ZBTB20: variants seen among roughly 807,000 people sequenced by gnomAD.
ZBTB20 encodes the protein zinc finger and BTB domain containing 20, also known as zinc finger and BTB domain-containing protein 20.
A neutral mutation model predicts 56.9 loss-of-function variants in ZBTB20; 9 were observed. The observed-to-expected ratio is 0.16, with a 90% CI of 0.10 to 0.28. The LOEUF (loss-of-function observed/expected upper bound fraction) is 0.28. Among genes scored for constraint, ZBTB20 ranks in the 10% least tolerant of loss-of-function variants. The pLI is 1.00. For synonymous variants in ZBTB20, 417 were observed against 420.7 expected (o/e 0.99, Z 0.11); for missense variants, 655 against 1,003.0 (o/e 0.65, Z 4.69).
intron 2 of ZBTB20, among the ~76,000 whole-genome samples, chr3:114,982,614 A>G (rs2078374609): frequency 6.6e-6 from 1 of 152,054 alleles, no homozygotes; most frequent in Non-Finnish European, 1.5e-5. Context: ...TTACTCCCTA[A>G]AATAAATGCA....
chr3:114,332,082 T>C lies in ZBTB20; in HGVS notation c.*6923A>G, dbSNP rs914177141. 19 of 148,908 alleles carry C rather than the reference T, an allele frequency of 1.3e-4. No homozygotes were observed. Among genetic ancestry groups the C allele is most frequent in the African/African-American group, 4.0e-4 (16 of 40,384 alleles). The allele number at this position is 148,908 out of a possible 1,614,324, so 9.2% of individuals were successfully genotyped here. A position where few individuals can be genotyped will look rare whatever the true frequency, so the allele number is the denominator to read the frequency against. Reference sequence around the variant, plus strand: ...GGTTTTTTTTTTTTTTTTTTTTTTTTTCTCTCTTGGATGTATCAAAATCTC... The same window carrying C: ...GGTTTTTTTTTTTTTTTTTTTTTTTCTCTCTCTTGGATGTATCAAAATCTC... On this transcript the variant is annotated 3_prime_UTR_variant, in exon 12 of 12. Coordinates refer to ENST00000675478, the MANE Select transcript of ZBTB20 (RefSeq NM_001348800.3).
At chr3:115,147,028 G>T (rs2085017591) in intron 1 of ZBTB20, among the ~76,000 whole-genome samples, 191 bp downstream of exon 1, 3 of 149,452 alleles carry the variant, frequency 2.0e-5, no homozygotes, top group Admixed American at 2.0e-4. Flanking sequence ...GGGCGCGCGC[G>T]CTCATCCAGC....
At chr3:115,053,621 T>C (rs2081636968) in intron 2 of ZBTB20, among the ~76,000 whole-genome samples, 1 of 152,090 alleles carries the variant, frequency 6.6e-6, no homozygotes, top group African/African-American at 2.4e-5. Flanking sequence ...GTATATTAAC[T>C]CACATTTATT....
intron 4 of ZBTB20, among the ~76,000 whole-genome samples, chr3:114,847,686 CT>C (rs2074784311): frequency 6.6e-6 from 1 of 152,104 alleles, no homozygotes; most frequent in Non-Finnish European, 1.5e-5. Context: ...CTCACCTGAA[CT>C]GCTCTTTCAT....
chr3:114,865,307 T>A (rs1388195267), intron 4 of ZBTB20, among the ~76,000 whole-genome samples: 1 of 152,138 alleles, frequency 6.6e-6, no homozygotes, highest in Non-Finnish European at 1.5e-5. Context: ...AGGAAACATT[T>A]CTCCAGGGCT....
chr3:114,434,048 A>C (rs1470557194), intron 7 of ZBTB20, among the ~76,000 whole-genome samples: 1 of 152,198 alleles, frequency 6.6e-6, no homozygotes, highest in African/African-American at 2.4e-5. Flanking sequence ...ATTGAATGAT[A>C]GACCAGGTCA....
intron 5 of ZBTB20, among the ~76,000 whole-genome samples, chr3:114,788,769 G>T (rs2070736112): frequency 6.6e-6 from 1 of 152,116 alleles, no homozygotes; most frequent in African/African-American, 2.4e-5. Context: ...ACCCAAGACT[G>T]GGTAATTATT....
chr3:114,404,464 G>GAA (rs1366942036), intron 7 of ZBTB20, among the ~76,000 whole-genome samples: 6 of 152,064 alleles, frequency 3.9e-5, no homozygotes, highest in African/African-American at 1.4e-4. Flanking sequence ...AGCAGTATAA[G>GAA]AAAACATCCT....
At chr3:115,022,916 C>A (rs555885396) in intron 2 of ZBTB20, among the ~76,000 whole-genome samples, 12 of 150,950 alleles carry the variant, frequency 7.9e-5, no homozygotes, top group Admixed American at 3.3e-4. Flanking sequence ...CCATTCAGTG[C>A]AGTATTTATT....
intron 6 of ZBTB20, among the ~76,000 whole-genome samples, chr3:114,634,046 T>G (rs1185338653): frequency 6.6e-6 from 1 of 152,146 alleles, no homozygotes; most frequent in Non-Finnish European, 1.5e-5. Flanking sequence ...ATGTAAGTAT[T>G]CCATTCGTTA....
At position 114,729,785 on chromosome 3, in the gene ZBTB20, A is replaced by ATATGTAGG. The variant is rs551860762; in HGVS notation, c.-342-36218_-342-36211dup. Among the ~76,000 whole-genome samples, 4 of 152,002 alleles carry ATATGTAGG rather than the reference A, an allele frequency of 2.6e-5. No homozygotes were observed. The East Asian group carries it at 7.7e-4, about 29-fold the overall frequency. Reference sequence around the variant, plus strand: ...ATTGCAGAATTTCAGAGTTGATGCTATATGTAGGATTTTCTTTTCTTTTAA... The same window carrying ATATGTAGG: ...ATTGCAGAATTTCAGAGTTGATGCTATATGTAGGTATGTAGGATTTTCTTTTCTTTTAA... On this transcript the variant is annotated intron_variant, in intron 5 of 11. Transcript: ENST00000675478.
chr3:114,742,588 A>T (rs2066688540), intron 5 of ZBTB20, among the ~76,000 whole-genome samples: 1 of 152,170 alleles, frequency 6.6e-6, no homozygotes. Flanking sequence ...CATTTTACAT[A>T]CGAGAAAACT....
chr3:114,379,105 T>C (rs1176047353), intron 10 of ZBTB20: 1 of 152,240 alleles, frequency 6.6e-6, no homozygotes, highest in East Asian at 1.9e-4. Flanking sequence ...TCCTGGACCA[T>C]TGTCTCTTGC....
intron 6 of ZBTB20, among the ~76,000 whole-genome samples, chr3:114,611,905 T>C (rs111412650): frequency 2.5e-4 from 38 of 152,336 alleles, no homozygotes; most frequent in African/African-American, 8.7e-4. Flanking sequence ...CCTTATTGCA[T>C]TCTAACTGTC....
intron 2 of ZBTB20, 75 bp from the exon 3 acceptor site, chr3:114,974,491 C>A (rs2078018157): frequency 6.6e-6 from 1 of 151,988 alleles, no homozygotes; most frequent in African/African-American, 2.4e-5. Context: ...TCTTTATGAC[C>A]CAGGTAGCTG....
chr3:114,837,310 A>G (rs925589107), intron 4 of ZBTB20, among the ~76,000 whole-genome samples: 5 of 152,220 alleles, frequency 3.3e-5, no homozygotes, highest in African/African-American at 1.2e-4. Context: ...ATTACAGTAT[A>G]AATTCCATGA....
At chr3:114,604,024 G>C (rs1256260545) in intron 6 of ZBTB20, among the ~76,000 whole-genome samples, 1 of 151,900 alleles carries the variant, frequency 6.6e-6, no homozygotes, top group Non-Finnish European at 1.5e-5. Flanking sequence ...ATAACCCTTT[G>C]ATCAATAATT....
At chr3:115,072,587 A>C (rs2082449490) in intron 1 of ZBTB20, among the ~76,000 whole-genome samples, 1 of 152,174 alleles carries the variant, frequency 6.6e-6, no homozygotes, top group Admixed American at 6.5e-5. Flanking sequence ...GCTGCCTTGG[A>C]TATCCATGTT....
At chr3:114,752,227 G>A (rs1171426297) in intron 5 of ZBTB20, among the ~76,000 whole-genome samples, 6 of 130,490 alleles carry the variant, frequency 4.6e-5, no homozygotes, top group Non-Finnish European at 8.2e-5. Context: ...AGTCAGGATT[G>A]GAACCCAAGG....
Sources: allele counts gnomAD v4.1 joint callset (sites outside exome capture counted in the v4.1 genomes callset), GRCh38; gene constraint gnomAD v4.1.1; transcripts MANE v1.5; gene names NCBI Gene and HGNC (gene_info 2026-07-23, HGNC 2026-07-21).